The following CHID1 variants were observed in gnomAD, a reference collection of about 807,000 sequenced individuals.
The protein encoded by CHID1 is chitinase domain containing 1, also known as chitinase domain-containing protein 1.
A neutral mutation model predicts 55.4 loss-of-function variants in CHID1; 44 were observed. The ratio of observed to expected loss-of-function variants is 0.79; its 90% CI spans 0.62 to 1.02. The LOEUF (loss-of-function observed/expected upper bound fraction) is 1.02, where lower values mean the gene tolerates loss of function less well. CHID1 is among the 50% of genes least tolerant of loss of function. CHID1 has a pLI of 0.00. For missense variants in CHID1, 491 were observed against 515.3 expected (o/e 0.95, Z 0.46); for synonymous variants, 216 against 212.9 (o/e 1.01, Z -0.13).
In CHID1 at chr11:907,933, G is replaced by A. The variant is rs150951120; in HGVS notation, c.-44+2842C>T. On this transcript the variant is annotated intron_variant, in intron 1 of 12. Transcript: ENST00000323578. ...ACCTGTTTTCACTTCCTCTGAAACCGTCCCCTTGACCTGCTTTCTTCTGCA... is the reference window on the plus strand; with the variant it reads ...ACCTGTTTTCACTTCCTCTGAAACCATCCCCTTGACCTGCTTTCTTCTGCA... Among the ~76,000 whole-genome samples, 279 of 152,250 alleles carry A rather than the reference G, an allele frequency of 1.8e-3. 2 individuals carry two copies. The highest frequency in any genetic ancestry group is 0.016 in the Admixed American group (241 of 15,300).
At chr11:900,669 T>C (rs1851737711) in intron 5 of CHID1, among the ~76,000 whole-genome samples, 1 of 152,006 alleles carries the variant, frequency 6.6e-6, no homozygotes, top group Non-Finnish European at 1.5e-5. Context: ...AGAAATGGGA[T>C]TGAGAACAAT....
chr11:901,786 C>T (rs923191960), intron 4 of CHID1, among the ~76,000 whole-genome samples: 1 of 152,088 alleles, frequency 6.6e-6, no homozygotes, highest in African/African-American at 2.4e-5. Context: ...CAGAGGGTCC[C>T]ACCGTGGCGA....
intron 10 of CHID1, chr11:874,715 C>T (rs915319433): frequency 2.0e-5 from 3 of 152,248 alleles, no homozygotes; most frequent in Non-Finnish European, 2.9e-5. Flanking sequence ...CTCGGCCTCC[C>T]AGGCTGTAAT....
At chr11:909,162 G>A (rs1852450942) in intron 1 of CHID1, among the ~76,000 whole-genome samples, 1 of 152,182 alleles carries the variant, frequency 6.6e-6, no homozygotes, top group Admixed American at 6.5e-5. Context: ...CTGGGCTTTG[G>A]TACCTCTCCC....
chr11:874,281 G>A (rs1849355985), intron 10 of CHID1, among the ~76,000 whole-genome samples: 3 of 152,274 alleles, frequency 2.0e-5, no homozygotes, highest in Middle Eastern at 6.8e-3. Context: ...GGCCAACGTG[G>A]TGAAACCCCA....
In CHID1 at chr11:895,792, G is replaced by A. The variant is rs150376101; in HGVS notation, c.609-2273C>T. On this transcript the variant is annotated intron_variant, in intron 7 of 12. Transcript: ENST00000323578. ...TCAGAGGCAGGACTGTGCTGAGGCA[G>A]CTCCCAGGCAGCAGAATGCCCAAAG... 6.4e-4 allele frequency among the ~76,000 whole-genome samples: 98 copies of A among 152,240 alleles called. 1 individual carries two copies. The highest frequency in any genetic ancestry group is 2.2e-3 in the African/African-American group (91 of 41,538).
At chr11:901,911 C>T (rs1023198211) in intron 4 of CHID1, among the ~76,000 whole-genome samples, 5 of 109,832 alleles carry the variant, frequency 4.6e-5, no homozygotes, top group Non-Finnish European at 7.4e-5. Flanking sequence ...GGGGTGAGGG[C>T]GTGGTTCTCA....
chr11:884,282 G>C (rs961510059), intron 8 of CHID1, 113 bp from the exon 9 acceptor site: 3 of 731,900 alleles, frequency 4.1e-6, no homozygotes, highest in Non-Finnish European at 6.8e-6. Flanking sequence ...TTCCCAAGGG[G>C]AAAAGTGTTC....
chr11:872,896 CAGG>C lies in CHID1; in HGVS notation c.960-2400_960-2398del, dbSNP rs941077431. 9.7e-4 allele frequency among the ~76,000 whole-genome samples: 147 copies of C among 152,274 alleles called. 1 individual carries two copies. The highest frequency in any genetic ancestry group is 6.8e-3 in the Middle Eastern group (2 of 294). ...GTCACTGCTCAAAATCTGCTGCCTC[CAGG>C]AGGAGGTGAGGCTGGGGGTGGCCAG... is the stretch of plus-strand genomic sequence containing the variant. On this transcript the variant is annotated intron_variant, in intron 10 of 12. Transcript: ENST00000323578.
Position 902,328 on chromosome 11 carries a change from C to A in CHID1, c.264G>T (p.Trp88Cys). ...TGGTGACATCGTAGCCATGGCTGTT[C>A]CACTGGCAAAAGATGGAGACATCAG... ...AGDVLGYVTPWNSHGYDVTKV... is the reference protein window; with the variant it reads ...AGDVLGYVTPCNSHGYDVTKV... The change falls in exon 4 of 13, where the codon TGG becomes TGT. Residue 88 changes from tryptophan to cysteine, a missense_variant and splice_region_variant. By Grantham distance (215) the Trp-to-Cys change is radical. Coordinates refer to ENST00000323578, the MANE Select transcript of CHID1 (RefSeq NM_023947.4). 6.2e-7 allele frequency: 1 copy of A among 1,610,070 alleles called. No individual in the cohort carries two copies. The highest frequency in any genetic ancestry group is 1.1e-5 in the South Asian group (1 of 90,998).
chr11:871,678 C>G (rs1042694024), intron 10 of CHID1, among the ~76,000 whole-genome samples: 1 of 152,182 alleles, frequency 6.6e-6, no homozygotes, highest in Non-Finnish European at 1.5e-5. Flanking sequence ...GGGCCTACAG[C>G]CCGGGTGCCA....
intron 1 of CHID1, among the ~76,000 whole-genome samples, chr11:909,145 C>T (rs1485505072): frequency 6.6e-6 from 1 of 152,180 alleles, no homozygotes; most frequent in Non-Finnish European, 1.5e-5. Context: ...TGCAACCAGG[C>T]CCTTGTCTGG....
intron 8 of CHID1, among the ~76,000 whole-genome samples, chr11:885,695 C>T (rs6597974): frequency 0.54 from 82,560 of 151,952 alleles, 22,953 homozygotes; most frequent in South Asian, 0.77. Context: ...TGGGCCGAGG[C>T]CTCCACCCAG....
chr11:884,382 G>A (rs1288271584), intron 8 of CHID1, among the ~76,000 whole-genome samples: 4 of 152,204 alleles, frequency 2.6e-5, no homozygotes. Flanking sequence ...GGGGCCCAGA[G>A]GCCTCTCTGA....
Position 887,102 on chromosome 11 carries a change from C to T in CHID1, c.702-2933G>A, listed in dbSNP as rs542280968. The stretch of plus-strand genomic sequence containing the variant: ...AGGCTGGAGTGCAGTGGCACAATCT[C>T]GGCTCACTACAGCCTCAAGACCTCT... On this transcript the variant is annotated intron_variant, in intron 8 of 12. Transcript: ENST00000323578. Among the ~76,000 whole-genome samples, 76 of 152,136 alleles carry T rather than the reference C, an allele frequency of 5.0e-4. 1 individual carries two copies. The highest frequency in any genetic ancestry group is 1.7e-3 in the African/African-American group (70 of 41,496).
At chr11:885,083 G>A (rs983542891) in intron 8 of CHID1, among the ~76,000 whole-genome samples, 3 of 152,240 alleles carry the variant, frequency 2.0e-5, no homozygotes, top group African/African-American at 7.2e-5. Flanking sequence ...CAGCATGGGG[G>A]ACGCGGCCGG....
intron 7 of CHID1, among the ~76,000 whole-genome samples, chr11:894,414 G>A (rs1589868795): frequency 6.6e-6 from 1 of 152,182 alleles, no homozygotes; most frequent in African/African-American, 2.4e-5. Flanking sequence ...AGGAGCAGCC[G>A]TCAGGACCCC....
intron 7 of CHID1, among the ~76,000 whole-genome samples, chr11:894,844 T>A (rs887914632): frequency 7.9e-5 from 12 of 152,176 alleles, no homozygotes; most frequent in Non-Finnish European, 1.8e-4. Context: ...TGCTGCATAG[T>A]GGCAGCTCCT....
At chr11:874,138 G>T (rs1187438097) in intron 10 of CHID1, among the ~76,000 whole-genome samples, 1 of 152,198 alleles carries the variant, frequency 6.6e-6, no homozygotes, top group Non-Finnish European at 1.5e-5. Context: ...AAAGCCTGGG[G>T]ACTTTGCCAA....
Sources: allele counts gnomAD v4.1 joint callset (sites outside exome capture counted in the v4.1 genomes callset), GRCh38; gene constraint gnomAD v4.1.1; transcripts MANE v1.5; gene names NCBI Gene and HGNC (gene_info 2026-07-23, HGNC 2026-07-21).